Variants in TMEM51 observed in about 807,000 individuals in gnomAD.
TMEM51 encodes transmembrane protein 51, also known as chromosome 1 open reading frame 72.
In TMEM51, 8 loss-of-function variants were observed where a neutral mutation model predicts 13.6. The observed-to-expected ratio is 0.59, with a 90% CI of 0.35 to 1.07. The LOEUF is 1.07. TMEM51 is among the 50% of genes least tolerant of loss of function. TMEM51 has a pLI of 0.02. For missense variants in TMEM51, 279 were observed against 330.7 expected, an observed-to-expected ratio of 0.84 and a Z score of 1.21; for synonymous variants, 147 against 144.4, an observed-to-expected ratio of 1.02 and a Z score of -0.13.
At chr1:15,198,526 C>T (rs1220367039) in intron 1 of TMEM51, among the ~76,000 whole-genome samples, 1 of 152,092 alleles carries the variant, frequency 6.6e-6, no homozygotes, top group Non-Finnish European at 1.5e-5. Context: ...AAGTGATTCT[C>T]GGTGCCTCAG....
At chr1:15,195,675 T>C (rs1366043353) in intron 1 of TMEM51, among the ~76,000 whole-genome samples, 1 of 152,196 alleles carries the variant, frequency 6.6e-6, no homozygotes, top group Non-Finnish European at 1.5e-5. Context: ...CTATATGACA[T>C]GTCACTTTGT....
rs147345062 is a variant in TMEM51, at chr1:15,179,878, A to G, written c.-267+25924A>G. On this transcript the variant is annotated intron_variant, in intron 1 of 3. Coordinates refer to ENST00000376008, the MANE Select transcript of TMEM51 (RefSeq NM_001136218.2). ...AGGTAGACTGAAAGAAGGTATGCACATATGAGGGAACTTTCTGGGATCATG... is the reference window on the plus strand; with the variant it reads ...AGGTAGACTGAAAGAAGGTATGCACGTATGAGGGAACTTTCTGGGATCATG... 3.3e-5 allele frequency among the ~76,000 whole-genome samples: 5 copies of G among 152,346 alleles called. No individual in the cohort carries two copies. The East Asian group carries it at 9.6e-4, about 29-fold the overall frequency.
At chr1:15,215,670 A>C (rs948909348) in intron 3 of TMEM51, among the ~76,000 whole-genome samples, 3 of 152,226 alleles carry the variant, frequency 2.0e-5, no homozygotes, top group African/African-American at 7.2e-5. Context: ...AGATTTTTTA[A>C]AAATTTTATT....
At chr1:15,200,026 G>C (rs375483736) in intron 1 of TMEM51, among the ~76,000 whole-genome samples, 2 of 152,016 alleles carry the variant, frequency 1.3e-5, no homozygotes, top group African/African-American at 4.8e-5. Context: ...AAGCAAATGT[G>C]GGCTGGATTG....
At chr1:15,204,433 A>T (rs1644213170) in intron 1 of TMEM51, among the ~76,000 whole-genome samples, 1 of 152,216 alleles carries the variant, frequency 6.6e-6, no homozygotes, top group Non-Finnish European at 1.5e-5. Flanking sequence ...GCACGCCTGT[A>T]ATCCCAGCTA....
At chr1:15,173,217 T>C (rs1643351507) in intron 1 of TMEM51, among the ~76,000 whole-genome samples, 1 of 3,844 alleles carries the variant, frequency 2.6e-4, no homozygotes, top group Admixed American at 9.8e-3. Flanking sequence ...TCATATTCTT[T>C]TTTTTTTTTT....
intron 2 of TMEM51, 64 bp from the exon 3 acceptor site, chr1:15,214,831 A>T: frequency 2.0e-6 from 1 of 491,468 alleles, no homozygotes; most frequent in Non-Finnish European, 3.6e-6. Flanking sequence ...CAGAGCCGCC[A>T]CATTCACAAA....
At chr1:15,172,188 G>A (rs1017108753) in intron 1 of TMEM51, among the ~76,000 whole-genome samples, 4 of 152,032 alleles carry the variant, frequency 2.6e-5, no homozygotes, top group African/African-American at 9.7e-5. Flanking sequence ...ACCAGCCTGG[G>A]CAACATGGCA....
chr1:15,219,451 C>G lies in TMEM51; in HGVS notation c.470C>G (p.Ser157Cys), dbSNP rs756678693. Residue 157 changes from serine to cysteine, a missense_variant, in exon 4 of 4, where the codon TCT (serine) becomes TGT (cysteine). Coordinates refer to ENST00000376008, the MANE Select transcript of TMEM51 (RefSeq NM_001136218.2). ...GEEQNPRLSISLPSYESLTGL... is the reference protein window; with the variant it reads ...GEEQNPRLSICLPSYESLTGL... ...GAGCAGAACCCGAGGTTGAGCATCT[C>G]TCTCCCGTCCTATGAGTCACTGACG... 1.2e-6 allele frequency: 2 copies of G among 1,614,038 alleles called. No homozygotes were observed. Among genetic ancestry groups the G allele is most frequent in the South Asian group, 2.2e-5 (2 of 91,090 alleles).
At chr1:15,206,636 G>A (rs1644256340) in intron 1 of TMEM51, among the ~76,000 whole-genome samples, 2 of 152,188 alleles carry the variant, frequency 1.3e-5, no homozygotes, top group Admixed American at 1.3e-4. Flanking sequence ...GTGGCCGTGA[G>A]GATCGGGTGA....
chr1:15,184,187 A>G (rs1328487656), intron 1 of TMEM51, among the ~76,000 whole-genome samples: 1 of 149,390 alleles, frequency 6.7e-6, no homozygotes, highest in Non-Finnish European at 1.5e-5. Context: ...CCACCACACC[A>G]GGATAATATT....
intron 1 of TMEM51, among the ~76,000 whole-genome samples, chr1:15,206,710 G>A (rs373578744): frequency 5.3e-4 from 81 of 152,242 alleles, no homozygotes; most frequent in African/African-American, 1.8e-3. Flanking sequence ...TAGCTGCTGC[G>A]GAGACTGCTA....
At chr1:15,214,495 C>T (rs986658041) in intron 2 of TMEM51, among the ~76,000 whole-genome samples, 5 of 152,166 alleles carry the variant, frequency 3.3e-5, no homozygotes, top group Non-Finnish European at 7.4e-5. Flanking sequence ...GAGGCCCTGT[C>T]CCCCAGGTGA....
chr1:15,192,470 T>TTTTTTTA (rs3078880), intron 1 of TMEM51: 5 of 250,748 alleles, frequency 2.0e-5, no homozygotes, highest in Non-Finnish European at 3.8e-5. Flanking sequence ...CCTTTTTTTT[T>TTTTTTTA]ATGACAGAAT....
chr1:15,169,896 C>T (rs1356559314), intron 1 of TMEM51, among the ~76,000 whole-genome samples: 1 of 152,172 alleles, frequency 6.6e-6, no homozygotes, highest in Non-Finnish European at 1.5e-5. Context: ...TAACAGATTA[C>T]AAGTAATTTT....
At chr1:15,156,257 C>T (rs1251922224) in intron 1 of TMEM51, among the ~76,000 whole-genome samples, 8 of 152,118 alleles carry the variant, frequency 5.3e-5, no homozygotes, top group African/African-American at 2.4e-5. Context: ...TCTCTGTCTG[C>T]GTGAGGGATG....
At chr1:15,213,088 C>T (rs1456152147) in intron 2 of TMEM51, among the ~76,000 whole-genome samples, 2 of 152,210 alleles carry the variant, frequency 1.3e-5, no homozygotes, top group Non-Finnish European at 2.9e-5. Context: ...TCCCACAGTT[C>T]CTGTACTTCC....
intron 1 of TMEM51, among the ~76,000 whole-genome samples, chr1:15,179,936 G>GAT (rs1478851766): frequency 6.6e-6 from 1 of 152,220 alleles, no homozygotes; most frequent in Non-Finnish European, 1.5e-5. Flanking sequence ...TGGTTACATG[G>GAT]ATATATACAG....
At chr1:15,205,514 C>T (rs1447111202) in intron 1 of TMEM51, among the ~76,000 whole-genome samples, 5 of 152,192 alleles carry the variant, frequency 3.3e-5, no homozygotes, top group African/African-American at 9.7e-5. Context: ...CTTCTCCCTG[C>T]CCTCCTCAAA....
Sources: allele counts gnomAD v4.1 joint callset (sites outside exome capture counted in the v4.1 genomes callset), GRCh38; gene constraint gnomAD v4.1.1; transcripts MANE v1.5; gene names NCBI Gene and HGNC (gene_info 2026-07-23, HGNC 2026-07-21).